DLGAP4: variants seen among roughly 807,000 people sequenced by gnomAD.
DLGAP4 encodes the protein DLG associated protein 4, also known as disks large-associated protein 4.
A neutral mutation model predicts 86.9 loss-of-function variants in DLGAP4; 18 were observed. The ratio of observed to expected loss-of-function variants is 0.21; its 90% CI spans 0.14 to 0.31. The LOEUF (loss-of-function observed/expected upper bound fraction) is 0.31. Ranked by LOEUF, DLGAP4 falls within the 10% of genes least tolerant of loss-of-function variation. DLGAP4 has a pLI of 1.00. For missense variants in DLGAP4, 1,085 were observed against 1,362.6 expected (o/e 0.80, Z 3.21); for synonymous variants, 548 against 574.3 (o/e 0.95, Z 0.65).
chr20:36,356,839 C>T (rs782249524), intron 1 of DLGAP4, among the ~76,000 whole-genome samples: 2 of 152,116 alleles, frequency 1.3e-5, no homozygotes, highest in Non-Finnish European at 2.9e-5. Flanking sequence ...CAGTATATCC[C>T]CCAGTCATCA....
rs774932627 is a variant in DLGAP4 at position 36,499,610 on chromosome 20, C to T, written c.2033C>T (p.Pro678Leu). The change falls in exon 9 of 13, where the codon CCA becomes CTA. Residue 678 changes from proline (P) to leucine (L), a missense_variant. This residue lies in a region of DLGAP4 where 1,082 missense variants were observed against 1,344.1 expected (regional missense o/e 0.81). Transcript: ENST00000339266. ...GIQVDCIQPV[P>L]KEEPSPATKF... ...AAGGTTGACTGCATTCAGCCAGTGC[C>T]AAAAGAGGAGCCCAGTCCCGCTACC... is the stretch of plus-strand genomic sequence containing the variant. 12 of 1,614,008 alleles carry T rather than the reference C, an allele frequency of 7.4e-6. No individual in the cohort carries two copies. The South Asian group carries it at 1.3e-4, about 18-fold the overall frequency.
intron 2 of DLGAP4, among the ~76,000 whole-genome samples, chr20:36,423,415 T>C (rs1174337301): frequency 8.8e-6 from 1 of 114,170 alleles, no homozygotes; most frequent in Admixed American, 1.3e-4. Context: ...AAGATCACAC[T>C]ACTGAACTCC....
intron 10 of DLGAP4, among the ~76,000 whole-genome samples, chr20:36,516,048 C>G (rs2037017542): frequency 6.6e-6 from 1 of 150,786 alleles, no homozygotes; most frequent in Admixed American, 6.6e-5. Flanking sequence ...TTCCAGCCAG[C>G]AAAGGAACCA....
At chr20:36,398,849 C>A (rs550517832) in intron 2 of DLGAP4, among the ~76,000 whole-genome samples, 1 of 152,128 alleles carries the variant, frequency 6.6e-6, no homozygotes, top group Non-Finnish European at 1.5e-5. Flanking sequence ...ATGGGAGTTG[C>A]TGGAGAATAA....
In DLGAP4 at chr20:36,526,917, G is replaced by A; in HGVS notation, c.2865G>A (p.Glu955=). Residue 955 remains glutamate, a synonymous_variant, in exon 13 of 13, where the codon GAG becomes GAA. Coordinates refer to ENST00000339266, the MANE Select transcript of DLGAP4 (RefSeq NM_001365621.2). ...ASDASDKQRQ[E]ARKRLLAAKR... ...ACGCCAGCGACAAGCAGCGCCAGGA[G>A]GCCCGCAAGAGACTCCTGGCGGCCA... is the stretch of plus-strand genomic sequence containing the variant. The A allele has an allele frequency of 6.2e-7, 1 of 1,613,478 alleles. No individual in the cohort carries two copies.
At chr20:36,520,421 C>A (rs1460055650) in intron 10 of DLGAP4, among the ~76,000 whole-genome samples, 1 of 152,154 alleles carries the variant, frequency 6.6e-6, no homozygotes, top group Non-Finnish European at 1.5e-5. Context: ...TCTCAGCTCA[C>A]TGCACCCTCC....
intron 2 of DLGAP4, among the ~76,000 whole-genome samples, chr20:36,384,129 T>G (rs1430946521): frequency 6.6e-6 from 1 of 152,156 alleles, no homozygotes; most frequent in Admixed American, 6.5e-5. Flanking sequence ...TTTGACACTT[T>G]GACCTTTGAG....
At chr20:36,363,226 G>A (rs1332755894) in intron 1 of DLGAP4, among the ~76,000 whole-genome samples, 1 of 152,234 alleles carries the variant, frequency 6.6e-6, no homozygotes, top group Non-Finnish European at 1.5e-5. Context: ...AGCATAGCTA[G>A]GGCAAAAGGA....
chr20:36,500,549 G>A lies in DLGAP4; in HGVS notation c.2450G>A (p.Arg817Gln), dbSNP rs866978659. 2 of 1,532,988 alleles carry A rather than the reference G, an allele frequency of 1.3e-6. No homozygotes were observed. Among genetic ancestry groups the A allele is most frequent in the East Asian group, 2.3e-5 (1 of 43,442 alleles). The allele number at this position is 1,532,988 out of a possible 1,614,324, so 95.0% of individuals were successfully genotyped here. A position where few individuals can be genotyped will look rare whatever the true frequency, so the allele number is the denominator to read the frequency against. The change falls in exon 10 of 13, where the codon CGG becomes CAG. Residue 817 changes from arginine to glutamine, a missense_variant. Arg to Gln is a conservative substitution (Grantham distance 43). This residue lies in a region of DLGAP4 where 1,082 missense variants were observed against 1,344.1 expected (regional missense o/e 0.81). Transcript: ENST00000339266. This position sits in a 1 kb window ranked among gnomAD's most constrained non-coding sequence, Gnocchi z 4.6. ...FLKLLQAETE[R>Q]LEGWCCQMDK... ...AAGCTACTGCAGGCAGAAACAGAGC[G>A]GCTGGAAGGCTGGTGCTGCCAGATG...
At position 36,392,081 on chromosome 20, in the gene DLGAP4, C is replaced by A. The variant is rs1339522577; in HGVS notation, c.-73+24806C>A. On this transcript the variant is annotated intron_variant, in intron 2 of 12. Transcript: ENST00000339266. Reference sequence around the variant, plus strand: ...TGGCTTGGGGTCGTGTCCCGAACAGCAGAGGGTGGTCTGGTTCAGAGTGAG... The same window carrying A: ...TGGCTTGGGGTCGTGTCCCGAACAGAAGAGGGTGGTCTGGTTCAGAGTGAG... 2.6e-5 allele frequency among the ~76,000 whole-genome samples: 4 copies of A among 152,112 alleles called. 1 individual carries two copies. Among genetic ancestry groups the A allele is most frequent in the Admixed American group, 2.6e-4 (4 of 15,290 alleles).
intron 2 of DLGAP4, among the ~76,000 whole-genome samples, chr20:36,380,963 A>G (rs1161644731): frequency 6.6e-6 from 1 of 152,232 alleles, no homozygotes; most frequent in Non-Finnish European, 1.5e-5. Context: ...CTGCAAGGGA[A>G]GCTGATGAAG....
Position 36,432,206 on chromosome 20 carries a change from G to A in DLGAP4, c.489G>A (p.Lys163=). 6.2e-7 allele frequency: 1 copy of A among 1,614,150 alleles called. No homozygotes were observed. Among genetic ancestry groups the A allele is most frequent in the South Asian group, 1.1e-5 (1 of 91,080 alleles). ...KAPSLEGTAG[K]VGGNGSKKGG... is the part of the protein sequence containing the mutation. ...CCTCACTGGAGGGCACAGCGGGCAA[G>A]GTCGGTGGCAATGGCAGCAAGAAGG... is the stretch of plus-strand genomic sequence containing the variant. The change falls in exon 3 of 13, where the codon AAG becomes AAA. Residue 163 remains lysine, a synonymous_variant. Coordinates refer to ENST00000339266, the MANE Select transcript of DLGAP4 (RefSeq NM_001365621.2). This position sits in a 1 kb window ranked among gnomAD's most constrained non-coding sequence, Gnocchi z 6.5.
At chr20:36,478,074 G>C (rs1328014391) in intron 7 of DLGAP4, among the ~76,000 whole-genome samples, 1 of 152,216 alleles carries the variant, frequency 6.6e-6, no homozygotes, top group Non-Finnish European at 1.5e-5. Context: ...AGAGGGTAAA[G>C]ATTTGGGTAG....
intron 1 of DLGAP4, among the ~76,000 whole-genome samples, chr20:36,364,340 A>G (rs1377537057): frequency 6.6e-6 from 1 of 152,006 alleles, no homozygotes; most frequent in Non-Finnish European, 1.5e-5. Context: ...GAACCCAAGA[A>G]TTTGAGGCCA....
At chr20:36,468,673 T>C (rs2034526350) in intron 7 of DLGAP4, among the ~76,000 whole-genome samples, 1 of 152,250 alleles carries the variant, frequency 6.6e-6, no homozygotes, top group Non-Finnish European at 1.5e-5. Flanking sequence ...TGTATGCCAG[T>C]TTGCTTTGGC....
At chr20:36,314,358 TG>T (rs1296476012) in intron 1 of DLGAP4, among the ~76,000 whole-genome samples, 2 of 1,266 alleles carry the variant, frequency 1.6e-3, no homozygotes, top group Non-Finnish European at 3.1e-3. Flanking sequence ...GTGTGTGGTG[TG>T]GTGTGTGTGT....
chr20:36,343,627 C>CG (rs2065407067), intron 1 of DLGAP4, among the ~76,000 whole-genome samples: 2 of 152,096 alleles, frequency 1.3e-5, no homozygotes, highest in African/African-American at 2.4e-5. Flanking sequence ...GTACCCCCCC[C>CG]CAACCCCCCG....
At chr20:36,490,774 C>T (rs2035626550) in intron 7 of DLGAP4, among the ~76,000 whole-genome samples, 1 of 152,192 alleles carries the variant, frequency 6.6e-6, no homozygotes, top group Admixed American at 6.5e-5. Flanking sequence ...AGCCTGGCCT[C>T]CAAGACACAT....
chr20:36,388,366 A>G (rs1165146035), intron 2 of DLGAP4, among the ~76,000 whole-genome samples: 3 of 152,176 alleles, frequency 2.0e-5, no homozygotes, highest in Non-Finnish European at 4.4e-5. Context: ...GCTGTCTTAC[A>G]CTGAGCTGAA....
Sources: gnomAD v4.1 joint callset for allele counts (sites outside exome capture counted in the v4.1 genomes callset) on GRCh38, gnomAD v4.1.1 for gene constraint, gnomAD v4.1.1 regional missense constraint, Gnocchi (gnomAD v3.1) non-coding constraint, MANE v1.5 for transcripts, NCBI Gene and HGNC (gene_info 2026-07-23, HGNC 2026-07-21) for gene names.